GRM5: variants seen among roughly 807,000 people sequenced by gnomAD.
GRM5 encodes metabotropic glutamate receptor 5.
GRM5 carries 19 observed loss-of-function variants against 83.1 expected under a neutral mutation model. That is an observed-to-expected ratio of 0.23 (90% CI 0.16 to 0.34). The LOEUF is 0.34. GRM5 is among the 10% of genes least tolerant of loss of function. The pLI, the probability that GRM5 is intolerant of heterozygous loss-of-function variation, is 1.00. For missense variants in GRM5, 1,160 were observed against 1,588.3 expected (o/e 0.73, Z 4.58); for synonymous variants, 675 against 633.6 (o/e 1.07, Z -0.98).
chr11:88,631,135 T>C (rs1938958472), intron 4 of GRM5, among the ~76,000 whole-genome samples: 1 of 152,176 alleles, frequency 6.6e-6, no homozygotes, highest in South Asian at 2.1e-4. Context: ...CATGGTGATG[T>C]GGGCAAACTC....
intron 2 of GRM5, among the ~76,000 whole-genome samples, chr11:88,932,071 G>A (rs890766192): frequency 2.0e-5 from 3 of 152,070 alleles, no homozygotes; most frequent in African/African-American, 7.2e-5. Context: ...AGGATGTAGG[G>A]AAGGAAGTCT....
At chr11:88,564,972 T>C (rs1942842657) in intron 8 of GRM5, among the ~76,000 whole-genome samples, 1 of 152,106 alleles carries the variant, frequency 6.6e-6, no homozygotes, top group Non-Finnish European at 1.5e-5. Flanking sequence ...ACAGTAACTT[T>C]CATGAGTAAA....
intron 2 of GRM5, among the ~76,000 whole-genome samples, chr11:88,907,721 A>G (rs981197291): frequency 1.3e-5 from 2 of 152,168 alleles, no homozygotes; most frequent in African/African-American, 4.8e-5. Flanking sequence ...TTTGTTGTTT[A>G]CTAGCTGGTC....
At chr11:88,603,346 G>C (rs1221926681) in intron 5 of GRM5, among the ~76,000 whole-genome samples, 1 of 152,148 alleles carries the variant, frequency 6.6e-6, no homozygotes, top group African/African-American at 2.4e-5. Context: ...GATTCTATCA[G>C]CAAGTCCTAA....
intron 3 of GRM5, among the ~76,000 whole-genome samples, chr11:88,759,620 T>A (rs553661663): frequency 6.6e-6 from 1 of 152,176 alleles, no homozygotes; most frequent in East Asian, 1.9e-4. Flanking sequence ...TCCCACACAA[T>A]AATAGTGGGA....
chr11:88,745,684 T>G lies in GRM5; in HGVS notation c.912-92281A>C, dbSNP rs146410899. Reference sequence around the variant, plus strand: ...AAAAGATGGAAAACTTAAGTGTCTCTCTATTTAATTCCAACACCCAGTGTG... The same window carrying G: ...AAAAGATGGAAAACTTAAGTGTCTCGCTATTTAATTCCAACACCCAGTGTG... On this transcript the variant is annotated intron_variant, in intron 3 of 9. Coordinates refer to ENST00000305447, the MANE Select transcript of GRM5 (RefSeq NM_001143831.3). Among the ~76,000 whole-genome samples the G allele has an allele frequency of 4.6e-3, 695 of 152,328 alleles. 4 individuals carry two copies. The highest frequency in any genetic ancestry group is 7.7e-3 in the Non-Finnish European group (524 of 68,030).
intron 2 of GRM5, among the ~76,000 whole-genome samples, chr11:88,968,159 G>A (rs1027153446): frequency 7.2e-5 from 11 of 152,062 alleles, no homozygotes; most frequent in Non-Finnish European, 1.5e-4. Context: ...TGTTAATTTT[G>A]AATGTCCAAT....
At chr11:89,019,701 C>T (rs1394334047) in intron 2 of GRM5, among the ~76,000 whole-genome samples, 1 of 152,142 alleles carries the variant, frequency 6.6e-6, no homozygotes, top group Non-Finnish European at 1.5e-5. Context: ...GAGCAAAACT[C>T]TGTCAAACAA....
chr11:88,959,137 C>T (rs986293056), intron 2 of GRM5, among the ~76,000 whole-genome samples: 9 of 152,026 alleles, frequency 5.9e-5, no homozygotes, highest in African/African-American at 2.2e-4. Flanking sequence ...TGAAAGGATT[C>T]TGAATCTCCA....
intron 3 of GRM5, among the ~76,000 whole-genome samples, chr11:88,783,877 C>G (rs191550246): frequency 1.3e-5 from 2 of 152,158 alleles, no homozygotes; most frequent in Admixed American, 1.3e-4. Flanking sequence ...CATCTATACA[C>G]TGGCACATAG....
Position 89,047,235 on chromosome 11 carries a change from T to TA in GRM5, c.637dup (p.Tyr213LeufsTer39), listed in dbSNP as rs1941661568. 6.2e-7 allele frequency: 1 copy of TA among 1,612,322 alleles called. No individual in the cohort carries two copies. The highest frequency in any genetic ancestry group is 1.7e-5 in the Admixed American group (1 of 59,924). On this transcript the variant is annotated frameshift_variant, in exon 2 of 10. Transcript: ENST00000305447. LOFTEE classifies it high-confidence loss of function. This position sits in a 1 kb window ranked among gnomAD's most constrained non-coding sequence, Gnocchi z 5.1. ...ACCTTCTGTGTGCACGGCTGATACA[T>TA]AGGTCCAGTTGTACCTCTTCACTAT...
chr11:88,747,639 C>T (rs1432062975), intron 3 of GRM5, among the ~76,000 whole-genome samples: 1 of 151,054 alleles, frequency 6.6e-6, no homozygotes, highest in Non-Finnish European at 1.5e-5. Context: ...CTAGAATATA[C>T]ATACTTTACT....
intron 3 of GRM5, among the ~76,000 whole-genome samples, chr11:88,687,298 C>T (rs565579274): frequency 6.7e-6 from 1 of 148,914 alleles, no homozygotes; most frequent in South Asian, 2.1e-4. Context: ...CATGGTGAAA[C>T]CCTGTCTCTA....
At chr11:88,787,418 C>T (rs1400628357) in intron 3 of GRM5, among the ~76,000 whole-genome samples, 2 of 152,012 alleles carry the variant, frequency 1.3e-5, no homozygotes, top group African/African-American at 4.8e-5. Flanking sequence ...GAGGCCACAC[C>T]ATACAAGGTT....
chr11:88,949,301 G>A (rs1230482240), intron 2 of GRM5, among the ~76,000 whole-genome samples: 4 of 152,146 alleles, frequency 2.6e-5, no homozygotes, highest in Non-Finnish European at 4.4e-5. Flanking sequence ...CCACAGCTCT[G>A]GATATCTTCC....
intron 2 of GRM5, among the ~76,000 whole-genome samples, chr11:88,897,466 A>G (rs1275302504): frequency 6.6e-6 from 1 of 151,914 alleles, no homozygotes; most frequent in Non-Finnish European, 1.5e-5. Context: ...AACTACTCTT[A>G]ATCAGGTAAG....
chr11:88,630,263 A>C (rs1938925550), intron 4 of GRM5, among the ~76,000 whole-genome samples: 1 of 152,144 alleles, frequency 6.6e-6, no homozygotes, highest in South Asian at 2.1e-4. Context: ...CTCCCCTAAC[A>C]GGAATGTATG....
chr11:88,789,271 C>T (rs959367938), intron 3 of GRM5, among the ~76,000 whole-genome samples: 2 of 151,686 alleles, frequency 1.3e-5, no homozygotes, highest in African/African-American at 4.8e-5. Context: ...GAGGATAATA[C>T]CTTTAACAAG....
intron 2 of GRM5, among the ~76,000 whole-genome samples, chr11:88,989,465 C>T (rs1332889092): frequency 1.4e-4 from 16 of 111,828 alleles, no homozygotes; most frequent in African/African-American, 3.7e-4. Context: ...GACAGAAAGT[C>T]AACAAGGATA....
Sources: gnomAD v4.1 joint callset for allele counts (sites outside exome capture counted in the v4.1 genomes callset) on GRCh38, gnomAD v4.1.1 for gene constraint, Gnocchi (gnomAD v3.1) non-coding constraint, MANE v1.5 for transcripts, NCBI Gene and HGNC (gene_info 2026-07-23, HGNC 2026-07-21) for gene names.